The following TPPP variants were observed in gnomAD, a reference collection of about 807,000 sequenced individuals.
The protein encoded by TPPP is tubulin polymerization-promoting protein.
TPPP carries 6 observed loss-of-function variants against 15.5 expected under a neutral mutation model. The observed-to-expected ratio is 0.39, with a 90% confidence interval of 0.21 to 0.77. TPPP has a LOEUF of 0.77. TPPP is among the 30% of genes least tolerant of loss of function. The probability of loss-of-function intolerance (pLI) is 0.42; values close to 1 mark genes in which losing one functional copy is unlikely to be tolerated. For synonymous variants in TPPP, 146 were observed against 133.9 expected, an observed-to-expected ratio of 1.09 and a Z score of -0.63; for missense variants, 269 against 307.2, an observed-to-expected ratio of 0.88 and a Z score of 0.93.
At chr5:675,141 G>GGGTGGCCAGGGGTGCAA (rs1554022315) in intron 2 of TPPP, among the ~76,000 whole-genome samples, 1 of 52,932 alleles carries the variant, frequency 1.9e-5, no homozygotes, top group Non-Finnish European at 3.3e-5. Flanking sequence ...CAGGGGTGCA[G>GGGTGGCCAGGGGTGCAA]TGTGGCCAGG....
At chr5:688,561 G>A (rs943015818) in intron 1 of TPPP, among the ~76,000 whole-genome samples, 4 of 152,128 alleles carry the variant, frequency 2.6e-5, no homozygotes, top group East Asian at 1.9e-4. Flanking sequence ...ACGAAGAGAG[G>A]CGGCCCAGAA....
rs775659738 is a variant in TPPP, at chr5:665,959, G to A, written c.465+11C>T. ...CCTCCAGGCCCCGCCTTCCATCCCC[G>A]CCCTGCTCACCGTCACCCCTGAGAT... On this transcript the variant is annotated intron_variant, in intron 3 of 3. Coordinates refer to ENST00000360578, the MANE Select transcript of TPPP (RefSeq NM_007030.3). The A allele has an allele frequency of 5.9e-5, 24 of 403,572 alleles. No homozygotes were observed. Among genetic ancestry groups the A allele is most frequent in the Admixed American group, 1.3e-4 (3 of 23,416 alleles). The allele number at this position is 403,572 out of a possible 1,614,324, so 25.0% of individuals were successfully genotyped here.
intron 1 of TPPP, among the ~76,000 whole-genome samples, chr5:683,092 C>T (rs56697078): frequency 0.21 from 31,629 of 148,630 alleles, 7,546 homozygotes; most frequent in African/African-American, 0.6. Context: ...CTCCACCTGC[C>T]CTAGAGAAGC....
At chr5:671,175 C>G (rs11949492) in intron 2 of TPPP, among the ~76,000 whole-genome samples, 63 of 152,172 alleles carry the variant, frequency 4.1e-4, no homozygotes, top group African/African-American at 1.5e-3. Flanking sequence ...CGCACTGTCT[C>G]CCTCTGGGCG....
In TPPP at chr5:665,221, C is replaced by T. The variant is rs766686208; in HGVS notation, c.541G>A (p.Asp181Asn). 68 of 1,613,714 alleles carry T rather than the reference C, an allele frequency of 4.2e-5. No homozygotes were observed. Among genetic ancestry groups the T allele is most frequent in the Admixed American group, 1.5e-4 (9 of 59,980 alleles). The change falls in exon 4 of 4, where the codon GAC becomes AAC. Residue 181 changes from aspartate (D) to asparagine (N), a missense_variant. By Grantham distance (23) the Asp-to-Asn change is conservative. Transcript: ENST00000360578. ...KFTGSHKERFDPSGKGKGKAG... is the reference protein window; with the variant it reads ...KFTGSHKERFNPSGKGKGKAG... ...TTGCCCTTGCCCTTGCCAGAGGGGT[C>T]GAAGCGCTCCTTGTGGGAGCCCGTG...
At chr5:669,019 C>T (rs1170761552) in intron 2 of TPPP, among the ~76,000 whole-genome samples, 3 of 152,248 alleles carry the variant, frequency 2.0e-5, no homozygotes, top group African/African-American at 7.2e-5. Flanking sequence ...ACACAACAGA[C>T]ACCATCAACA....
Position 666,046 on chromosome 5 carries a change from T to G in TPPP, c.389A>C (p.Asp130Ala), listed in dbSNP as rs139049812. Residue 130 changes from aspartate to alanine, a missense_variant, in exon 3 of 4, where the codon GAC (aspartate) becomes GCC (alanine). Physicochemically the swap from Asp to Ala is moderately radical, Grantham distance 126. Coordinates refer to ENST00000360578, the MANE Select transcript of TPPP (RefSeq NM_007030.3). ...GCGAACGGCCTCCTCGCTGCTCTTG[T>G]CTTTGAATCGCTTCTTGGCGAGCTC... is the stretch of plus-strand genomic sequence containing the variant. The part of the protein sequence containing the change: ...LEELAKKRFK[D>A]KSSEEAVREV... 11 of 1,611,972 alleles carry G rather than the reference T, an allele frequency of 6.8e-6. No individual in the cohort carries two copies. The highest frequency in any genetic ancestry group is 9.3e-6 in the Non-Finnish European group (11 of 1,179,700).
At position 671,173 on chromosome 5, in the gene TPPP, C is replaced by T. The variant is rs116774199; in HGVS notation, c.312-5050G>A. Among the ~76,000 whole-genome samples, 309 of 152,160 alleles carry T rather than the reference C, an allele frequency of 2.0e-3. 3 individuals carry two copies. The highest frequency in any genetic ancestry group is 7.1e-3 in the African/African-American group (294 of 41,460). ...GGGCCGCCTGGGATCAGCGCACTGT[C>T]TCCCTCTGGGCGCACACCCTGCGCT... On this transcript the variant is annotated intron_variant, in intron 2 of 3. Transcript: ENST00000360578.
At chr5:696,920 CTG>C (rs1741023500), upstream of TPPP, among the ~76,000 whole-genome samples, 1 of 150,260 alleles carries the variant, frequency 6.7e-6, no homozygotes, top group East Asian at 1.9e-4. Context: ...GCCTGTGTCT[CTG>C]TGTGTGCATG....
At chr5:665,450 T>TA (rs1267542235) in intron 3 of TPPP, 154 bp from the exon 4 acceptor site, 6 of 721,354 alleles carry the variant, frequency 8.3e-6, no homozygotes, top group Non-Finnish European at 1.3e-5. Context: ...TTCTTATTTT[T>TA]ACCTCTCCTG....
chr5:678,095 C>A (rs1251178229), intron 1 of TPPP, 31 bp from the exon 2 acceptor site: 1 of 1,472,282 alleles, frequency 6.8e-7, no homozygotes, highest in Non-Finnish European at 9.0e-7. Flanking sequence ...AAAGGTGTCA[C>A]CCGGGCCATG....
intron 2 of TPPP, among the ~76,000 whole-genome samples, chr5:668,496 A>G (rs1488497177): frequency 6.6e-6 from 1 of 151,768 alleles, no homozygotes; most frequent in Non-Finnish European, 1.5e-5. Context: ...AGGGAAGTGC[A>G]GATGGAAACC....
chr5:693,876 G>C (rs1247827782), upstream of TPPP, among the ~76,000 whole-genome samples: 3 of 149,530 alleles, frequency 2.0e-5, no homozygotes, highest in Non-Finnish European at 4.5e-5. Context: ...CGGGCTGTGA[G>C]GGTGCTCGGA....
intron 2 of TPPP, among the ~76,000 whole-genome samples, chr5:668,997 C>T (rs113978378): frequency 1.9e-3 from 294 of 152,344 alleles, no homozygotes; most frequent in Non-Finnish European, 3.6e-3. Context: ...ACTTTACACG[C>T]GTGTCCTAAA....
At chr5:685,573 C>T (rs1432291958) in intron 1 of TPPP, among the ~76,000 whole-genome samples, 1 of 152,214 alleles carries the variant, frequency 6.6e-6, no homozygotes, top group Non-Finnish European at 1.5e-5. Flanking sequence ...GCAGGGGCTG[C>T]ATGGCCCTGG....
rs553204348 is a variant in TPPP at position 669,065 on chromosome 5, C to T, written c.312-2942G>A. 5.1e-4 allele frequency among the ~76,000 whole-genome samples: 77 copies of T among 152,374 alleles called. No individual in the cohort carries two copies. The South Asian group carries it at 7.0e-3, about 14-fold the overall frequency. On this transcript the variant is annotated intron_variant, in intron 2 of 3. Coordinates refer to ENST00000360578, the MANE Select transcript of TPPP (RefSeq NM_007030.3). ...AAAGAAGAAATCGCGCTGAGAAACA[C>T]ACCAAGTGCTCGGGGTCCCACAGCT...
chr5:671,022 C>CT, intron 2 of TPPP, among the ~76,000 whole-genome samples: 1 of 152,298 alleles, frequency 6.6e-6, no homozygotes, highest in South Asian at 2.1e-4. Context: ...GGCTGAGGGC[C>CT]AGGGCCCTCC....
At chr5:679,150 C>T (rs1385872900) in intron 1 of TPPP, among the ~76,000 whole-genome samples, 2 of 152,200 alleles carry the variant, frequency 1.3e-5, no homozygotes, top group East Asian at 3.9e-4. Flanking sequence ...CTGGAGTTCT[C>T]AGCGCCAGTC....
chr5:677,452 T>A (rs1440050610), intron 2 of TPPP, among the ~76,000 whole-genome samples: 1 of 151,948 alleles, frequency 6.6e-6, no homozygotes, highest in Non-Finnish European at 1.5e-5. Context: ...AGGCCAGACA[T>A]CCCCTCATAG....
Sources: gnomAD v4.1 joint callset for allele counts (sites outside exome capture counted in the v4.1 genomes callset) on GRCh38, gnomAD v4.1.1 for gene constraint, MANE v1.5 for transcripts, NCBI Gene and HGNC (gene_info 2026-07-23, HGNC 2026-07-21) for gene names.